MYO3A: variants seen among roughly 807,000 people sequenced by gnomAD.
MYO3A encodes myosin IIIA, also known as myosin-IIIa.
Under a neutral mutation model 192.7 loss-of-function variants are expected in MYO3A, and 180 were observed. The ratio of observed to expected loss-of-function variants is 0.93; its 90% CI spans 0.83 to 1.06. The LOEUF is 1.06. MYO3A is among the 50% of genes least tolerant of loss of function. The pLI is 0.00. For synonymous variants in MYO3A, 628 were observed against 645.3 expected, an observed-to-expected ratio of 0.97 and a Z score of 0.41; for missense variants, 1,896 against 1,905.0, an observed-to-expected ratio of 1.00 and a Z score of 0.09.
intron 18 of MYO3A, 55 bp from the exon 19 acceptor site, chr10:26,125,343 G>T: frequency 6.6e-7 from 1 of 1,510,604 alleles, no homozygotes; most frequent in East Asian, 2.3e-5. Context: ...TTCATTTTTG[G>T]GGAGTGACCT....
chr10:25,958,998 A>AT (rs1289393264), intron 4 of MYO3A, among the ~76,000 whole-genome samples: 2 of 151,990 alleles, frequency 1.3e-5, no homozygotes, highest in East Asian at 3.9e-4. Flanking sequence ...AATGCTAGTG[A>AT]TTTTTGTACG....
chr10:26,069,644 C>T (rs1835071304), intron 12 of MYO3A, among the ~76,000 whole-genome samples: 1 of 151,906 alleles, frequency 6.6e-6, no homozygotes, highest in Non-Finnish European at 1.5e-5. Flanking sequence ...TTGGTGCAAT[C>T]TTGCTATCAA....
At chr10:25,956,107 G>T (rs1588654710) in intron 4 of MYO3A, among the ~76,000 whole-genome samples, 1 of 152,086 alleles carries the variant, frequency 6.6e-6, no homozygotes, top group African/African-American at 2.4e-5. Context: ...AGGCAAGAGA[G>T]CCCAACACTG....
At chr10:26,110,476 T>C (rs1287522215) in intron 17 of MYO3A, among the ~76,000 whole-genome samples, 2 of 152,194 alleles carry the variant, frequency 1.3e-5, no homozygotes, top group East Asian at 1.9e-4. Flanking sequence ...GGCCAGTATG[T>C]GAATCTCATT....
intron 20 of MYO3A, among the ~76,000 whole-genome samples, chr10:26,135,935 C>T (rs111903220): frequency 1.6e-3 from 231 of 143,746 alleles, no homozygotes; most frequent in African/African-American, 5.1e-3. Flanking sequence ...CCACTTCACT[C>T]CAGCCTGGGT....
At chr10:26,007,582 C>T (rs914642423) in intron 6 of MYO3A, among the ~76,000 whole-genome samples, 1 of 152,098 alleles carries the variant, frequency 6.6e-6, no homozygotes, top group Non-Finnish European at 1.5e-5. Context: ...TTCTTATACA[C>T]CAATCACAGA....
At chr10:26,119,031 C>T (rs1310205088) in intron 17 of MYO3A, among the ~76,000 whole-genome samples, 1 of 152,132 alleles carries the variant, frequency 6.6e-6, no homozygotes, top group Non-Finnish European at 1.5e-5. Context: ...CACCCTCTTC[C>T]AGCCCTCGTA....
intron 2 of MYO3A, among the ~76,000 whole-genome samples, chr10:25,951,249 C>G (rs2130540583): frequency 6.6e-6 from 1 of 151,674 alleles, no homozygotes; most frequent in Non-Finnish European, 1.5e-5. Context: ...GTCTCATTGG[C>G]CATATTCTTT....
At chr10:26,026,724 CAG>C (rs1191475080) in intron 10 of MYO3A, among the ~76,000 whole-genome samples, 192 bp downstream of exon 10, 4 of 151,968 alleles carry the variant, frequency 2.6e-5, no homozygotes, top group Non-Finnish European at 4.4e-5. Context: ...TTTTTTGAAA[CAG>C]AGTCTTGCTC....
rs141046223 is a variant in MYO3A at position 25,960,690 on chromosome 10, A to C, written c.303+5682A>C. On this transcript the variant is annotated intron_variant, in intron 4 of 34. Coordinates refer to ENST00000642920, the MANE Select transcript of MYO3A (RefSeq NM_017433.5). ...AAAGGTCTTTGTCCTCATCATCTTC[A>C]CATTGAATAGTCTGAGGAGGAGGAA... is the stretch of plus-strand genomic sequence containing the variant. Among the ~76,000 whole-genome samples the C allele has an allele frequency of 8.1e-3, 1,233 of 152,270 alleles. 9 individuals carry two copies. The highest frequency in any genetic ancestry group is 0.011 in the Non-Finnish European group (770 of 68,014).
chr10:26,106,097 G>A (rs1002703979), intron 17 of MYO3A, among the ~76,000 whole-genome samples: 1 of 151,942 alleles, frequency 6.6e-6, no homozygotes, highest in Non-Finnish European at 1.5e-5. Flanking sequence ...ATTTTCCTTA[G>A]CTATTGTTTA....
chr10:26,153,542 A>C (rs566278042), intron 23 of MYO3A, among the ~76,000 whole-genome samples: 1 of 152,302 alleles, frequency 6.6e-6, no homozygotes, highest in Non-Finnish European at 1.5e-5. Flanking sequence ...TTATCACACA[A>C]AAAAATAAGA....
At chr10:25,978,912 A>C (rs1045908788) in intron 4 of MYO3A, among the ~76,000 whole-genome samples, 2 of 151,990 alleles carry the variant, frequency 1.3e-5, no homozygotes, top group Non-Finnish European at 2.9e-5. Flanking sequence ...ATTGTGGGTC[A>C]TATGTTTGGT....
At chr10:26,121,839 A>G (rs756772717) in intron 18 of MYO3A, among the ~76,000 whole-genome samples, 2 of 152,146 alleles carry the variant, frequency 1.3e-5, no homozygotes, top group Non-Finnish European at 2.9e-5. Flanking sequence ...ACAGAGTGAG[A>G]TGGTGTAGTT....
intron 2 of MYO3A, among the ~76,000 whole-genome samples, chr10:25,946,613 C>T (rs1468250969): frequency 1.3e-5 from 2 of 150,600 alleles, no homozygotes; most frequent in Non-Finnish European, 3.0e-5. Flanking sequence ...GTTGTGGTGG[C>T]TCACACCGGT....
chr10:26,025,270 C>T lies in MYO3A; in HGVS notation c.798-1107C>T, dbSNP rs1012718522. Among the ~76,000 whole-genome samples, 48 of 151,810 alleles carry T rather than the reference C, an allele frequency of 3.2e-4. 1 individual carries two copies. The highest frequency in any genetic ancestry group is 1.2e-4 in the African/African-American group (5 of 41,326). On this transcript the variant is annotated intron_variant, in intron 9 of 34. Coordinates refer to ENST00000642920, the MANE Select transcript of MYO3A (RefSeq NM_017433.5). ...ATAAATTGCCTAATTATCATAATAC[C>T]GATTAGAAATGGCGCTACTCAAGCC...
At chr10:26,091,570 A>G (rs1204817923) in intron 15 of MYO3A, among the ~76,000 whole-genome samples, 1 of 152,222 alleles carries the variant, frequency 6.6e-6, no homozygotes, top group African/African-American at 2.4e-5. Flanking sequence ...AGGACTCTAT[A>G]GGAGACATAA....
intron 6 of MYO3A, among the ~76,000 whole-genome samples, chr10:26,001,035 G>A (rs559800016): frequency 6.6e-6 from 1 of 152,252 alleles, no homozygotes; most frequent in East Asian, 1.9e-4. Context: ...TCACTATCAC[G>A]AGAACAGCAA....
intron 23 of MYO3A, among the ~76,000 whole-genome samples, chr10:26,149,954 A>G (rs1012877645): frequency 6.6e-6 from 1 of 151,942 alleles, no homozygotes; most frequent in South Asian, 2.1e-4. Flanking sequence ...CACAAATTCC[A>G]TCCAGTATTT....
Sources: allele counts gnomAD v4.1 joint callset (sites outside exome capture counted in the v4.1 genomes callset), GRCh38; gene constraint gnomAD v4.1.1; transcripts MANE v1.5; gene names NCBI Gene and HGNC (gene_info 2026-07-23, HGNC 2026-07-21).